Variants in NYAP2 observed in about 807,000 individuals in gnomAD.
NYAP2 encodes the protein neuronal tyrosine-phosphorylated phosphoinositide-3-kinase adaptor 2.
Under a neutral mutation model 50.4 loss-of-function variants are expected in NYAP2, and 23 were observed. The observed-to-expected ratio is 0.46, with a 90% CI of 0.33 to 0.65. NYAP2 has a LOEUF of 0.65. NYAP2 is among the 30% of genes least tolerant of loss of function. The pLI is 0.02. For synonymous variants in NYAP2, 394 were observed against 365.2 expected (o/e 1.08, Z -0.90); for missense variants, 885 against 861.0 (o/e 1.03, Z -0.35).
chr2:225,526,930 C>T (rs1353652101), intron 4 of NYAP2, among the ~76,000 whole-genome samples: 1 of 152,136 alleles, frequency 6.6e-6, no homozygotes. Flanking sequence ...AGTGTAAGAC[C>T]CATCTGTCAA....
chr2:225,651,388 G>A, intron 6 of NYAP2, 44 bp from the exon 7 acceptor site: 1 of 1,612,950 alleles, frequency 6.2e-7, no homozygotes, highest in Non-Finnish European at 8.5e-7. Flanking sequence ...CATTATTCCA[G>A]ATGTCAGTCA....
intron 3 of NYAP2, among the ~76,000 whole-genome samples, chr2:225,430,387 AT>A (rs544272730): frequency 5.3e-5 from 8 of 152,176 alleles, no homozygotes; most frequent in Non-Finnish European, 8.8e-5. Flanking sequence ...TCTTCAATTT[AT>A]GAGGGGATAT....
chr2:225,525,439 A>G (rs1287106169), intron 4 of NYAP2, among the ~76,000 whole-genome samples: 1 of 152,228 alleles, frequency 6.6e-6, no homozygotes, highest in African/African-American at 2.4e-5. Flanking sequence ...AGAATACTAC[A>G]TAGCCATAAC....
At chr2:225,444,362 C>A (rs540612524) in intron 3 of NYAP2, among the ~76,000 whole-genome samples, 1 of 152,324 alleles carries the variant, frequency 6.6e-6, no homozygotes, top group South Asian at 2.1e-4. Flanking sequence ...CACACATCAT[C>A]TGTATCTCCA....
intron 4 of NYAP2, among the ~76,000 whole-genome samples, chr2:225,551,194 G>C (rs1411114423): frequency 6.6e-6 from 1 of 152,166 alleles, no homozygotes; most frequent in African/African-American, 2.4e-5. Flanking sequence ...TTCACCTTCT[G>C]GTATCCTAGT....
the NYAP2 span, among the ~76,000 whole-genome samples, chr2:225,691,939 T>C: frequency 2.6e-5 from 4 of 151,976 alleles, no homozygotes; most frequent in Non-Finnish European, 5.9e-5. Flanking sequence ...GTTGGAGAGG[T>C]TGGCCCAGAG....
chr2:225,619,895 G>T (rs1289321430), intron 5 of NYAP2, among the ~76,000 whole-genome samples: 1 of 152,178 alleles, frequency 6.6e-6, no homozygotes, highest in African/African-American at 2.4e-5. Flanking sequence ...ATCCATTTTT[G>T]TAATAAATTT....
chr2:225,504,186 A>G (rs1250036102), intron 3 of NYAP2, among the ~76,000 whole-genome samples: 1 of 152,180 alleles, frequency 6.6e-6, no homozygotes, highest in African/African-American at 2.4e-5. Flanking sequence ...GGAGCTGGAA[A>G]ATCCAAGCTT....
At chr2:225,420,744 C>T (rs113385345) in intron 3 of NYAP2, among the ~76,000 whole-genome samples, 4,260 of 150,332 alleles carry the variant, frequency 0.028, 190 homozygotes, top group African/African-American at 0.097. Context: ...TGGAGTAGCT[C>T]GGACTACATA....
intron 4 of NYAP2, among the ~76,000 whole-genome samples, chr2:225,520,582 T>C (rs1398885442): frequency 1.3e-5 from 2 of 152,206 alleles, no homozygotes; most frequent in African/African-American, 2.4e-5. Flanking sequence ...CAGATAGTTG[T>C]AGATGTGTGG....
intron 3 of NYAP2, among the ~76,000 whole-genome samples, chr2:225,490,175 A>G (rs534988126): frequency 6.6e-6 from 1 of 152,162 alleles, no homozygotes; most frequent in African/African-American, 2.4e-5. Flanking sequence ...AATTTGTCAG[A>G]GCACTTTGGA....
At chr2:225,484,363 T>C (rs945196646) in intron 3 of NYAP2, among the ~76,000 whole-genome samples, 7 of 152,246 alleles carry the variant, frequency 4.6e-5, no homozygotes, top group African/African-American at 1.2e-4. Flanking sequence ...CGGCCACTTA[T>C]ATCTGCAGCT....
At position 225,581,901 on chromosome 2, in the gene NYAP2, A is replaced by G. The variant is rs770418949; in HGVS notation, c.524-40A>G. On this transcript the variant is annotated intron_variant, in intron 4 of 6. Transcript: ENST00000636099. ...GCAAATCATTTTTGAAAACTTTCCT[A>G]TTATACTCATCTATTCCACTACGTT... is the stretch of plus-strand genomic sequence containing the variant. The G allele has an allele frequency of 2.6e-6, 4 of 1,544,794 alleles. 1 individual carries two copies. The highest frequency in any genetic ancestry group is 2.5e-5 in the South Asian group (2 of 81,276).
At chr2:225,666,323 A>T in the NYAP2 span, among the ~76,000 whole-genome samples, 1 of 152,096 alleles carries the variant, frequency 6.6e-6, no homozygotes, top group African/African-American at 2.4e-5. Context: ...AAAGAGTCAA[A>T]CTCTGTAAAA....
At chr2:225,528,670 A>G (rs1284365318) in intron 4 of NYAP2, among the ~76,000 whole-genome samples, 2 of 152,210 alleles carry the variant, frequency 1.3e-5, no homozygotes, top group African/African-American at 4.8e-5. Context: ...GGTCCCCTAA[A>G]TCCCTAGAGA....
intron 4 of NYAP2, among the ~76,000 whole-genome samples, chr2:225,545,248 G>A (rs936672612): frequency 5.9e-5 from 9 of 151,972 alleles, no homozygotes; most frequent in Non-Finnish European, 7.4e-5. Context: ...GGAAGTTCTC[G>A]GACATTTTCC....
At chr2:225,657,088 G>A (rs1427873548), downstream of NYAP2, among the ~76,000 whole-genome samples, 2 of 145,100 alleles carry the variant, frequency 1.4e-5, no homozygotes, top group Non-Finnish European at 1.5e-5. Context: ...AGTGTGAAAT[G>A]AGAAATCTAA....
chr2:225,632,315 C>A (rs1363147216), intron 6 of NYAP2, among the ~76,000 whole-genome samples: 1 of 152,134 alleles, frequency 6.6e-6, no homozygotes, highest in Non-Finnish European at 1.5e-5. Flanking sequence ...CAACTTCCTA[C>A]CTCACACTAG....
At chr2:225,498,107 A>G (rs1460057452) in intron 3 of NYAP2, among the ~76,000 whole-genome samples, 1 of 152,134 alleles carries the variant, frequency 6.6e-6, no homozygotes, top group Non-Finnish European at 1.5e-5. Context: ...AATAATTTAT[A>G]TCCATAAATA....
Sources: gnomAD v4.1 joint callset for allele counts (sites outside exome capture counted in the v4.1 genomes callset) on GRCh38, gnomAD v4.1.1 for gene constraint, MANE v1.5 for transcripts, NCBI Gene and HGNC (gene_info 2026-07-23, HGNC 2026-07-21) for gene names.